The following PRDM10 variants were observed in gnomAD, a reference collection of about 807,000 sequenced individuals.
The protein encoded by PRDM10 is PR/SET domain 10, also known as PR domain zinc finger protein 10.
PRDM10 carries 65 observed loss-of-function variants against 133.1 expected under a neutral mutation model. The observed-to-expected ratio is 0.49, with a 90% CI of 0.40 to 0.60. PRDM10 has a LOEUF of 0.60. Ranked by LOEUF, PRDM10 falls within the 20% of genes least tolerant of loss-of-function variation. The pLI is 0.00. For synonymous variants in PRDM10, 582 were observed against 580.4 expected (o/e 1.00, Z -0.04); for missense variants, 1,137 against 1,507.1 (o/e 0.75, Z 4.07).
intron 7 of PRDM10, among the ~76,000 whole-genome samples, chr11:129,939,407 G>A (rs574592689): frequency 2.0e-5 from 3 of 152,136 alleles, no homozygotes; most frequent in South Asian, 4.2e-4. Context: ...AATTAACTAC[G>A]CCCCTGTAGT....
At chr11:129,984,936 CT>C (rs375128661) in intron 1 of PRDM10, among the ~76,000 whole-genome samples, 1 of 152,186 alleles carries the variant, frequency 6.6e-6, no homozygotes, top group Non-Finnish European at 1.5e-5. Context: ...CCTCAGTAGG[CT>C]TTTTTGATCA....
intron 1 of PRDM10, among the ~76,000 whole-genome samples, chr11:130,002,273 G>C (rs1326080084): frequency 6.6e-6 from 1 of 151,078 alleles, no homozygotes; most frequent in Non-Finnish European, 1.5e-5. Context: ...CAACCAACGC[G>C]GGCAGGGGAG....
chr11:129,962,916 A>G (rs2135928593), intron 1 of PRDM10, among the ~76,000 whole-genome samples: 1 of 152,288 alleles, frequency 6.6e-6, no homozygotes, highest in East Asian at 1.9e-4. Flanking sequence ...TGGGAGGACA[A>G]GGACGACATA....
rs1949793057 is a variant in PRDM10 at position 129,899,748 on chromosome 11, A to G, written c.*2565T>C. 1 of 152,618 alleles carries G rather than the reference A, an allele frequency of 6.6e-6. No homozygotes were observed. Among genetic ancestry groups the G allele is most frequent in the Non-Finnish European group, 1.5e-5 (1 of 68,044 alleles). 9.5% of individuals were successfully genotyped at this position (152,618 alleles called of 1,614,324 possible). ...TACAAACATGTTTATTAAAAAATAT[A>G]TTTATTAATTTTTACACCTGCTGCA... is the stretch of plus-strand genomic sequence containing the variant. On this transcript the variant is annotated 3_prime_UTR_variant, in exon 21 of 21. Coordinates refer to ENST00000360871, the MANE Select transcript of PRDM10 (RefSeq NM_199437.2).
rs116253616 is a variant in PRDM10, at chr11:129,946,905, C to T, written c.520+240G>A. On this transcript the variant is annotated intron_variant, in intron 5 of 20. Transcript: ENST00000360871. ...ATGCCCCTTCGTCCCTGTGTGACCC[C>T]CAGCGAGCTTCCCAATCTTCTGAGC... 5.5e-3 allele frequency among the ~76,000 whole-genome samples: 842 copies of T among 152,204 alleles called. 5 individuals are homozygous for T. Among genetic ancestry groups the T allele is most frequent in the African/African-American group, 0.019 (795 of 41,532 alleles).
intron 1 of PRDM10, among the ~76,000 whole-genome samples, chr11:129,969,742 G>A (rs1044646851): frequency 2.0e-5 from 3 of 152,152 alleles, no homozygotes; most frequent in African/African-American, 7.2e-5. Flanking sequence ...GGAAGGCAGA[G>A]GTTGCAGTGA....
At position 129,938,335 on chromosome 11, in the gene PRDM10, C is replaced by T. The variant is rs529507754; in HGVS notation, c.967-665G>A. Among the ~76,000 whole-genome samples the T allele has an allele frequency of 8.1e-4, 124 of 152,286 alleles. 1 individual carries two copies. The highest frequency in any genetic ancestry group is 1.4e-3 in the Non-Finnish European group (98 of 68,034). On this transcript the variant is annotated intron_variant, in intron 7 of 20. Transcript: ENST00000360871. ...AGATGTCTCACAAACAGATCAAACT[C>T]AGCATGTCCAGAATGGAATTCTCAA...
intron 17 of PRDM10, 92 bp from the exon 18 acceptor site, chr11:129,912,317 T>C: frequency 3.8e-6 from 5 of 1,314,748 alleles, no homozygotes; most frequent in African/African-American, 1.5e-5. Flanking sequence ...TTAAAAACAA[T>C]ATCCTGGCCG....
chr11:129,916,872 C>A lies in PRDM10; in HGVS notation c.2325+255G>T, dbSNP rs1307657059. On this transcript the variant is annotated intron_variant, in intron 15 of 20. Coordinates refer to ENST00000360871, the MANE Select transcript of PRDM10 (RefSeq NM_199437.2). ...CATACACTAAGCACTAGTAATAAAC[C>A]TCTTCTTGTGTAACAAAAATCACAG... Among the ~76,000 whole-genome samples, 4 of 152,162 alleles carry A rather than the reference C, an allele frequency of 2.6e-5. No homozygotes were observed. In the East Asian group the frequency reaches 7.7e-4, roughly 29 times the overall value.
chr11:129,919,908 C>T (rs147224207), intron 13 of PRDM10, among the ~76,000 whole-genome samples: 1 of 152,308 alleles, frequency 6.6e-6, no homozygotes, highest in East Asian at 1.9e-4. Flanking sequence ...TACGACCCAA[C>T]TCTTTCTTCC....
intron 1 of PRDM10, among the ~76,000 whole-genome samples, chr11:129,966,300 G>A (rs1951906560): frequency 1.3e-5 from 2 of 152,142 alleles, no homozygotes; most frequent in Admixed American, 6.6e-5. Flanking sequence ...CATGGTTGCT[G>A]TAAAAATTAA....
In PRDM10 at chr11:129,912,149, T is replaced by A. The variant is rs751505080; in HGVS notation, c.2918A>T (p.His973Leu). 9.9e-6 allele frequency: 16 copies of A among 1,612,768 alleles called. No individual in the cohort carries two copies. The highest frequency in any genetic ancestry group is 1.4e-5 in the Non-Finnish European group (16 of 1,179,474). ...QLHDPQPYPQ[H>L]AIQVQHIQVS... is the part of the protein sequence containing the mutation. ...CTGGATGTGCTGCACCTGGATGGCG[T>A]GCTGGGGGTAGGGCTGAGGATCATG... The change falls in exon 18 of 21, where the codon CAC becomes CTC. Residue 973 changes from histidine (H) to leucine (L), a missense_variant. Transcript: ENST00000360871.
At position 129,944,941 on chromosome 11, in the gene PRDM10, G is replaced by C; in HGVS notation, c.592C>G (p.Arg198Gly). 6.2e-7 allele frequency: 1 copy of C among 1,613,808 alleles called. No homozygotes were observed. The highest frequency in any genetic ancestry group is 1.1e-5 in the South Asian group (1 of 91,058). The change falls in exon 6 of 21, where the codon CGG (arginine) becomes GGG (glycine). Residue 198 changes from arginine to glycine, a missense_variant. Arg to Gly is a moderately radical substitution (Grantham distance 125). Coordinates refer to ENST00000360871, the MANE Select transcript of PRDM10 (RefSeq NM_199437.2). ...KHGPLHPIPN[R>G]PVLTRARASL... ...GCCCTGGCCCGGGTGAGCACCGGCCGGTTGGGGATCGGGTGCAAGGGGCCG... is the reference window on the plus strand; with the variant it reads ...GCCCTGGCCCGGGTGAGCACCGGCCCGTTGGGGATCGGGTGCAAGGGGCCG...
At chr11:129,927,623 G>A (rs1950723703) in intron 11 of PRDM10, among the ~76,000 whole-genome samples, 1 of 152,054 alleles carries the variant, frequency 6.6e-6, no homozygotes, top group Non-Finnish European at 1.5e-5. Flanking sequence ...TTTAAACTGA[G>A]CCACCACCTG....
At chr11:129,983,745 C>A (rs567537627) in intron 1 of PRDM10, among the ~76,000 whole-genome samples, 1 of 152,214 alleles carries the variant, frequency 6.6e-6, no homozygotes, top group East Asian at 1.9e-4. Context: ...ACTGAAGAGA[C>A]CTTTGTTCCC....
chr11:129,980,912 C>T lies in PRDM10; in HGVS notation c.-118-19830G>A, dbSNP rs192134862. 4.7e-3 allele frequency among the ~76,000 whole-genome samples: 613 copies of T among 129,588 alleles called. 3 individuals carry two copies. Among genetic ancestry groups the T allele is most frequent in the Middle Eastern group, 0.019 (3 of 158 alleles). The allele number at this position is 129,588 out of a possible 152,430, so 85.0% of individuals were successfully genotyped here. ...TTGAGACAGAGTTTCACTCTTGTTG[C>T]CCAGGCTGAAGTGCAGTGGCACGAC... On this transcript the variant is annotated intron_variant, in intron 1 of 20. Coordinates refer to ENST00000360871, the MANE Select transcript of PRDM10 (RefSeq NM_199437.2).
At chr11:129,938,160 C>T (rs1951094014) in intron 7 of PRDM10, among the ~76,000 whole-genome samples, 3 of 152,064 alleles carry the variant, frequency 2.0e-5, no homozygotes. Context: ...ATTGGTGTGG[C>T]TCAAAGCTTA....
Position 129,945,194 on chromosome 11 carries a change from A to T in PRDM10, c.521-182T>A, listed in dbSNP as rs558472546. The stretch of plus-strand genomic sequence containing the variant: ...TCTGGGAGACCAGTAAAAATCCTGT[A>T]ATTCTCCTCTAAAATCAGACAGAAT... On this transcript the variant is annotated intron_variant, in intron 5 of 20. Coordinates refer to ENST00000360871, the MANE Select transcript of PRDM10 (RefSeq NM_199437.2). The surrounding 1 kb of genome is among the most constrained non-coding windows in gnomAD (Gnocchi z 4.2). Among the ~76,000 whole-genome samples, 1 of 152,300 alleles carries T rather than the reference A, an allele frequency of 6.6e-6. No individual in the cohort carries two copies. Among genetic ancestry groups the T allele is most frequent in the Admixed American group, 6.5e-5 (1 of 15,298 alleles).
intron 1 of PRDM10, among the ~76,000 whole-genome samples, chr11:129,977,519 T>C (rs1198398824): frequency 6.6e-6 from 1 of 152,160 alleles, no homozygotes; most frequent in Non-Finnish European, 1.5e-5. Flanking sequence ...CCTGACCTCA[T>C]GATCTGCCCG....
Sources: gnomAD v4.1 joint callset for allele counts (sites outside exome capture counted in the v4.1 genomes callset) on GRCh38, gnomAD v4.1.1 for gene constraint, Gnocchi (gnomAD v3.1) non-coding constraint, MANE v1.5 for transcripts, NCBI Gene and HGNC (gene_info 2026-07-23, HGNC 2026-07-21) for gene names.